Variants in CHD6 observed in about 807,000 individuals in gnomAD.
CHD6 encodes the protein ATP-dependent chromatin remodeler CHD6.
CHD6 carries 50 observed loss-of-function variants against 276.9 expected under a neutral mutation model. That is an observed-to-expected ratio of 0.18 (90% CI 0.14 to 0.23). CHD6 has a LOEUF of 0.23. Ranked by LOEUF, CHD6 falls within the 10% of genes least tolerant of loss-of-function variation. The probability of loss-of-function intolerance (pLI) is 1.00; values close to 1 mark genes in which losing one functional copy is unlikely to be tolerated. For missense variants in CHD6, 2,564 were observed against 3,365.8 expected (o/e 0.76, Z 5.89); for synonymous variants, 1,173 against 1,229.3 (o/e 0.95, Z 0.96).
At chr20:41,423,363 C>A in intron 30 of CHD6, 129 bp downstream of exon 30, 1 of 791,536 alleles carries the variant, frequency 1.3e-6, no homozygotes, top group Admixed American at 2.2e-5. Context: ...TTCTAAAAGC[C>A]ACTCATCTTT....
chr20:41,503,276 T>A (rs949099042), intron 5 of CHD6, among the ~76,000 whole-genome samples: 5 of 152,234 alleles, frequency 3.3e-5, no homozygotes, highest in Non-Finnish European at 7.3e-5. Context: ...TCTTTATATA[T>A]CCAGCAACTT....
chr20:41,563,293 A>G (rs1403163984), intron 1 of CHD6, among the ~76,000 whole-genome samples: 1 of 152,212 alleles, frequency 6.6e-6, no homozygotes, highest in African/African-American at 2.4e-5. Flanking sequence ...CTGAATAACA[A>G]GGCTTTTACT....
intron 1 of CHD6, among the ~76,000 whole-genome samples, chr20:41,598,696 C>G (rs1452748672): frequency 5.9e-5 from 9 of 152,318 alleles, no homozygotes; most frequent in Middle Eastern, 3.4e-3. Context: ...CACCTCGTGT[C>G]TCTCACAGCA....
At chr20:41,564,326 G>A (rs1179374510) in intron 1 of CHD6, among the ~76,000 whole-genome samples, 1 of 152,090 alleles carries the variant, frequency 6.6e-6, no homozygotes, top group Non-Finnish European at 1.5e-5. Context: ...CCTCTTGGGG[G>A]TATTTTAAAA....
At chr20:41,409,799 T>TG (rs1240691787) in intron 36 of CHD6, among the ~76,000 whole-genome samples, 5 of 152,224 alleles carry the variant, frequency 3.3e-5, no homozygotes, top group African/African-American at 1.2e-4. Flanking sequence ...AGATGCATGC[T>TG]GAAGTATTTA....
At chr20:41,547,923 T>A (rs903988815) in intron 2 of CHD6, 21 of 267,902 alleles carry the variant, frequency 7.8e-5, no homozygotes, top group African/African-American at 4.5e-4. Context: ...CCCAACTAGT[T>A]AAGAAGCACA....
At position 41,605,078 on chromosome 20, in the gene CHD6, A is replaced by G. The variant is rs183406501; in HGVS notation, c.-24+13262T>C. ...GCCTTTTTCCTTAGGATAAATATGTAAAGTATTTATGGGTGAAGCATTACT... is the reference window on the plus strand; with the variant it reads ...GCCTTTTTCCTTAGGATAAATATGTGAAGTATTTATGGGTGAAGCATTACT... On this transcript the variant is annotated intron_variant, in intron 1 of 36. Coordinates refer to ENST00000373233, the MANE Select transcript of CHD6 (RefSeq NM_032221.5). Among the ~76,000 whole-genome samples, 79 of 152,304 alleles carry G rather than the reference A, an allele frequency of 5.2e-4. No individual in the cohort carries two copies. In the East Asian group the frequency reaches 0.015, roughly 29 times the overall value.
intron 11 of CHD6, among the ~76,000 whole-genome samples, chr20:41,491,018 C>G (rs886627445): frequency 2.6e-5 from 4 of 151,940 alleles, no homozygotes; most frequent in African/African-American, 9.7e-5. Context: ...GCTTATAGGA[C>G]TGGAAGTTGC....
At chr20:41,598,680 C>T (rs373552748) in intron 1 of CHD6, among the ~76,000 whole-genome samples, 3 of 152,302 alleles carry the variant, frequency 2.0e-5, no homozygotes, top group East Asian at 1.9e-4. Flanking sequence ...GTACCAATGT[C>T]AATTTCACCT....
chr20:41,455,193 T>C (rs2048345522), intron 19 of CHD6, among the ~76,000 whole-genome samples: 2 of 152,136 alleles, frequency 1.3e-5, no homozygotes. Context: ...ACACTGAACG[T>C]CCCACTAAAA....
intron 1 of CHD6, among the ~76,000 whole-genome samples, chr20:41,586,442 G>A (rs897957853): frequency 2.0e-5 from 3 of 152,258 alleles, no homozygotes; most frequent in South Asian, 2.1e-4. Context: ...TGGGTTCCAC[G>A]GTTCTCTTCC....
At chr20:41,411,712 G>C (rs2046845652) in intron 36 of CHD6, among the ~76,000 whole-genome samples, 1 of 152,178 alleles carries the variant, frequency 6.6e-6, no homozygotes, top group Non-Finnish European at 1.5e-5. Flanking sequence ...AGTGCTTAGA[G>C]GCAGCTGTTT....
At chr20:41,542,304 G>A (rs1388196929) in intron 2 of CHD6, among the ~76,000 whole-genome samples, 1 of 152,156 alleles carries the variant, frequency 6.6e-6, no homozygotes, top group Non-Finnish European at 1.5e-5. Context: ...TTTTACAGTA[G>A]CTTTGGGCTA....
chr20:41,406,697 T>C (rs1028991970), intron 36 of CHD6, among the ~76,000 whole-genome samples: 14 of 152,210 alleles, frequency 9.2e-5, no homozygotes, highest in African/African-American at 2.9e-4. Flanking sequence ...AGCGATTTCT[T>C]TCAGGACTTA....
At chr20:41,434,170 T>G (rs74721599) in intron 27 of CHD6, among the ~76,000 whole-genome samples, 3 of 152,150 alleles carry the variant, frequency 2.0e-5, no homozygotes, top group African/African-American at 4.8e-5. Flanking sequence ...ATGCTATCTA[T>G]AGGAAACTCA....
At chr20:41,497,951 G>C (rs2043728273) in intron 7 of CHD6, 1 of 530,490 alleles carries the variant, frequency 1.9e-6, no homozygotes, top group Non-Finnish European at 3.4e-6. Flanking sequence ...GTCTTGGGTG[G>C]AGCAAAGGCT....
intron 3 of CHD6, among the ~76,000 whole-genome samples, chr20:41,525,667 GC>G (rs1164945180): frequency 2.0e-5 from 3 of 152,154 alleles, no homozygotes; most frequent in Non-Finnish European, 4.4e-5. Flanking sequence ...AAATCTGGAA[GC>G]CCCTAAAAAG....
At chr20:41,558,105 C>T (rs754099507) in intron 1 of CHD6, among the ~76,000 whole-genome samples, 26 of 152,160 alleles carry the variant, frequency 1.7e-4, no homozygotes, top group Admixed American at 1.4e-3. Flanking sequence ...CTCCTGACCT[C>T]GGAGGCAGTC....
chr20:41,610,976 T>A (rs896847805), intron 1 of CHD6, among the ~76,000 whole-genome samples: 1 of 152,180 alleles, frequency 6.6e-6, no homozygotes, highest in South Asian at 2.1e-4. Flanking sequence ...TCAAAAGTCA[T>A]GTTGAAAGAC....
Sources: gnomAD v4.1 joint callset for allele counts (sites outside exome capture counted in the v4.1 genomes callset) on GRCh38, gnomAD v4.1.1 for gene constraint, MANE v1.5 for transcripts, NCBI Gene and HGNC (gene_info 2026-07-23, HGNC 2026-07-21) for gene names.